DMC1: variants seen among roughly 807,000 people sequenced by gnomAD.
DMC1 encodes DNA meiotic recombinase 1.
Under a neutral mutation model 50.1 loss-of-function variants are expected in DMC1, and 27 were observed. The observed-to-expected ratio is 0.54, with a 90% CI of 0.40 to 0.74. The LOEUF is 0.74. Ranked by LOEUF, DMC1 falls within the 30% of genes least tolerant of loss-of-function variation. The pLI, the probability that DMC1 is intolerant of heterozygous loss-of-function variation, is 0.00. For synonymous variants in DMC1, 148 were observed against 136.1 expected, an observed-to-expected ratio of 1.09 and a Z score of -0.61; for missense variants, 295 against 420.2, an observed-to-expected ratio of 0.70 and a Z score of 2.60.
chr22:38,528,442 C>T (rs2090119688), intron 12 of DMC1, among the ~76,000 whole-genome samples: 1 of 152,024 alleles, frequency 6.6e-6, no homozygotes, highest in Non-Finnish European at 1.5e-5. Flanking sequence ...TTGTTCTATC[C>T]TTACGGCAAT....
chr22:38,520,029 G>C lies in DMC1; in HGVS notation c.1014C>G (p.Ala338=). 3 of 1,613,492 alleles carry C rather than the reference G, an allele frequency of 1.9e-6. No homozygotes were observed. The highest frequency in any genetic ancestry group is 2.5e-6 in the Non-Finnish European group (3 of 1,179,612). ...TGCATCAATTCACCACCTACTCCTT[G>C]GCATCCCCAATTCCTCCAGCAGTTA... ...FAITAGGIGD[A]KE Residue 338 remains alanine (A), a synonymous_variant, in exon 14 of 14, where the codon GCC becomes GCG. Transcript: ENST00000216024.
intron 7 of DMC1, 132 bp downstream of exon 7, chr22:38,552,534 T>C (rs1242850799): frequency 8.1e-6 from 6 of 739,840 alleles, no homozygotes; most frequent in South Asian, 7.9e-5. Flanking sequence ...GGCAGTTTAC[T>C]TAATCTGCCT....
At position 38,538,414 on chromosome 22, in the gene DMC1, A is replaced by G. The variant is rs1240382101; in HGVS notation, c.661-5T>C. 6.2e-7 allele frequency: 1 copy of G among 1,613,490 alleles called. No homozygotes were observed. Among genetic ancestry groups the G allele is most frequent in the Non-Finnish European group, 8.5e-7 (1 of 1,179,384 alleles). On this transcript the variant is annotated splice_region_variant and splice_polypyrimidine_tract_variant and intron_variant, in intron 10 of 13. Coordinates refer to ENST00000216024, the MANE Select transcript of DMC1 (RefSeq NM_007068.4). ...TGCCATTATTGAATCGATAATCTAC[A>G]CAGGATTAATGTAAAAATAAACATG...
chr22:38,551,475 T>C (rs2049637071), intron 7 of DMC1, among the ~76,000 whole-genome samples: 1 of 151,088 alleles, frequency 6.6e-6, no homozygotes, highest in South Asian at 2.1e-4. Context: ...ATTACAGGCA[T>C]GTTCAACCAG....
chr22:38,519,567 C>A lies in DMC1; in HGVS notation c.*453G>T, dbSNP rs1416451344. Reference sequence around the variant, plus strand: ...AACATCTAGCTATGTAAGTCAGTGGCACTATACCCTAGAAAAATGGTGAAG... The same window carrying A: ...AACATCTAGCTATGTAAGTCAGTGGAACTATACCCTAGAAAAATGGTGAAG... On this transcript the variant is annotated 3_prime_UTR_variant, in exon 14 of 14. Transcript: ENST00000216024. 1 of 195,876 alleles carries A rather than the reference C, an allele frequency of 5.1e-6. No individual in the cohort carries two copies. The highest frequency in any genetic ancestry group is 2.4e-5 in the African/African-American group (1 of 42,514). 12.1% of individuals were successfully genotyped at this position (195,876 alleles called of 1,614,324 possible).
chr22:38,549,897 T>C (rs757063388), intron 8 of DMC1, 28 bp downstream of exon 8: 2 of 1,534,390 alleles, frequency 1.3e-6, no homozygotes, highest in Non-Finnish European at 9.0e-7. Context: ...CACACTATTA[T>C]GTTAGCAACT....
intron 4 of DMC1, among the ~76,000 whole-genome samples, chr22:38,564,203 G>C (rs2090558261): frequency 6.6e-6 from 1 of 152,190 alleles, no homozygotes; most frequent in Non-Finnish European, 1.5e-5. Context: ...GGGCACAGTG[G>C]CATATTCCTG....
At chr22:38,514,699 G>T (rs2089964278), downstream of DMC1, among the ~76,000 whole-genome samples, 1 of 152,100 alleles carries the variant, frequency 6.6e-6, no homozygotes, top group African/African-American at 2.4e-5. Flanking sequence ...ACTAATTATA[G>T]TGCATTAGCA....
the DMC1 span, among the ~76,000 whole-genome samples, chr22:38,510,884 G>T: frequency 1.3e-5 from 2 of 152,224 alleles, no homozygotes; most frequent in African/African-American, 2.4e-5. Flanking sequence ...CTTCCTCATT[G>T]TTTAATCTAC....
In DMC1 at chr22:38,518,955, T is replaced by C. The variant is rs189688226; in HGVS notation, c.*1065A>G. 2 of 152,760 alleles carry C rather than the reference T, an allele frequency of 1.3e-5. No individual in the cohort carries two copies. Among genetic ancestry groups the C allele is most frequent in the East Asian group, 3.9e-4 (2 of 5,194 alleles). The allele number at this position is 152,760 out of a possible 1,614,324, so 9.5% of individuals were successfully genotyped here. A position where few individuals can be genotyped will look rare whatever the true frequency, so the allele number is the denominator to read the frequency against. On this transcript the variant is annotated 3_prime_UTR_variant, in exon 14 of 14. Coordinates refer to ENST00000216024, the MANE Select transcript of DMC1 (RefSeq NM_007068.4). ...ACATATTTTCACCATACATGCATTT[T>C]GAAAACAGGATTTTATTTGTTTAAC...
At chr22:38,514,772 T>C (rs1050748010), downstream of DMC1, among the ~76,000 whole-genome samples, 1 of 152,114 alleles carries the variant, frequency 6.6e-6, no homozygotes, top group Non-Finnish European at 1.5e-5. Context: ...GAAGTTATCC[T>C]GTATGGTCTA....
At position 38,520,039 on chromosome 22, in the gene DMC1, A is replaced by G. The variant is rs138899716; in HGVS notation, c.1004T>C (p.Ile335Thr). The G allele has an allele frequency of 1.5e-5, 25 of 1,613,616 alleles. No homozygotes were observed. The highest frequency in any genetic ancestry group is 1.6e-4 in the Middle Eastern group (1 of 6,076). The change falls in exon 14 of 14, where the codon ATT becomes ACT. Residue 335 changes from isoleucine (I) to threonine (T), a missense_variant. Physicochemically the swap from Ile to Thr is moderately conservative, Grantham distance 89. Transcript: ENST00000216024. Reference sequence around the variant, plus strand: ...CACCACCTACTCCTTGGCATCCCCAATTCCTCCAGCAGTTATTGCGAAGGT... The same window carrying G: ...CACCACCTACTCCTTGGCATCCCCAGTTCCTCCAGCAGTTATTGCGAAGGT... ...EATFAITAGG[I>T]GDAKE
At chr22:38,515,476 C>CAA (rs71197116), downstream of DMC1, among the ~76,000 whole-genome samples, 237 of 102,732 alleles carry the variant, frequency 2.3e-3, no homozygotes, top group Non-Finnish European at 2.3e-3. Flanking sequence ...AAATCCCTCT[C>CAA]AAAAAAAAAA....
intron 12 of DMC1, among the ~76,000 whole-genome samples, chr22:38,535,532 G>A (rs12172202): frequency 0.09 from 13,695 of 151,960 alleles, 824 homozygotes; most frequent in East Asian, 0.16. Context: ...AAATGCAGTG[G>A]CATGAATTCA....
At chr22:38,538,269 GA>G in intron 11 of DMC1, 25 bp downstream of exon 11, 1 of 1,570,920 alleles carries the variant, frequency 6.4e-7, no homozygotes, top group South Asian at 1.1e-5. Flanking sequence ...CATAGTCACA[GA>G]TGCCATTTTA....
intron 2 of DMC1, 93 bp downstream of exon 2, chr22:38,568,113 T>G (rs2090599278): frequency 1.8e-6 from 2 of 1,142,776 alleles, no homozygotes; most frequent in Non-Finnish European, 2.6e-6. Context: ...TTATTTCTAC[T>G]TTCAGCTTCT....
intron 12 of DMC1, among the ~76,000 whole-genome samples, chr22:38,524,402 C>T (rs572763425): frequency 4.0e-5 from 6 of 151,460 alleles, no homozygotes; most frequent in East Asian, 3.9e-4. Context: ...GGCGACAGAG[C>T]GAGATTCCGT....
chr22:38,543,530 C>T (rs2090310207), intron 8 of DMC1, among the ~76,000 whole-genome samples: 1 of 152,052 alleles, frequency 6.6e-6, no homozygotes, highest in Admixed American at 6.6e-5. Flanking sequence ...TGCCCAGCTG[C>T]CTGTAAATTG....
chr22:38,509,368 C>T, the DMC1 span, among the ~76,000 whole-genome samples: 2 of 152,162 alleles, frequency 1.3e-5, no homozygotes, highest in African/African-American at 2.4e-5. Flanking sequence ...TCCATGTGTC[C>T]GTGTCCTCTT....
Sources: allele counts gnomAD v4.1 joint callset (sites outside exome capture counted in the v4.1 genomes callset), GRCh38; gene constraint gnomAD v4.1.1; transcripts MANE v1.5; gene names NCBI Gene and HGNC (gene_info 2026-07-23, HGNC 2026-07-21).